The following METTL15 variants were observed in gnomAD, a reference collection of about 807,000 sequenced individuals.
The protein encoded by METTL15 is 12S rRNA N(4)-cytidine methyltransferase METTL15.
A neutral mutation model predicts 38.3 loss-of-function variants in METTL15; 34 were observed. The ratio of observed to expected loss-of-function variants is 0.89; its 90% CI spans 0.68 to 1.18. The LOEUF (loss-of-function observed/expected upper bound fraction) is 1.18. Ranked by LOEUF, METTL15 falls within the 50% of genes most tolerant of loss-of-function variation. The probability of loss-of-function intolerance (pLI) is 0.00; values close to 1 mark genes in which losing one functional copy is unlikely to be tolerated. For synonymous variants in METTL15, 162 were observed against 170.9 expected (o/e 0.95, Z 0.41); for missense variants, 438 against 498.4 (o/e 0.88, Z 1.15).
chr11:28,139,906 G>A (rs1849639891), intron 3 of METTL15, among the ~76,000 whole-genome samples: 3 of 152,222 alleles, frequency 2.0e-5, no homozygotes, highest in South Asian at 2.1e-4. Flanking sequence ...CTCCAACAGG[G>A]AGAGAAACTC....
At chr11:28,433,164 TTTTTTTTG>T (rs745416779) in intron 6 of METTL15, among the ~76,000 whole-genome samples, 9 of 106,560 alleles carry the variant, frequency 8.4e-5, no homozygotes, top group Non-Finnish European at 1.9e-4. Context: ...TTTTGTTTTG[TTTTTTTTG>T]TTTTTTTTTG....
intron 4 of METTL15, chr11:28,261,471 T>A: frequency 6.4e-6 from 1 of 156,114 alleles, no homozygotes. Flanking sequence ...GAATCAACTC[T>A]GGTGATCAAT....
chr11:28,200,701 C>T (rs899855454), intron 3 of METTL15, among the ~76,000 whole-genome samples: 3 of 152,032 alleles, frequency 2.0e-5, no homozygotes, highest in Admixed American at 1.3e-4. Flanking sequence ...CATGATTTGG[C>T]TCTCTGCTTG....
At chr11:28,276,513 C>T (rs1855848655) in intron 4 of METTL15, among the ~76,000 whole-genome samples, 2 of 152,080 alleles carry the variant, frequency 1.3e-5, no homozygotes, top group African/African-American at 4.8e-5. Flanking sequence ...GACCATATTG[C>T]CCAAAGCAAT....
intron 6 of METTL15, among the ~76,000 whole-genome samples, chr11:28,470,457 C>G (rs1307956302): frequency 6.6e-6 from 1 of 152,084 alleles, no homozygotes; most frequent in Non-Finnish European, 1.5e-5. Flanking sequence ...CACATCCTTC[C>G]TTGCCCTTTC....
At chr11:28,174,596 C>T (rs1157587863) in intron 3 of METTL15, among the ~76,000 whole-genome samples, 2 of 151,606 alleles carry the variant, frequency 1.3e-5, no homozygotes, top group African/African-American at 2.4e-5. Context: ...GGGCATATCA[C>T]GAGGTCAGGA....
intron 6 of METTL15, among the ~76,000 whole-genome samples, chr11:28,447,098 G>A (rs1345168172): frequency 6.6e-6 from 1 of 152,042 alleles, no homozygotes; most frequent in African/African-American, 2.4e-5. Context: ...CCTCTTTAAT[G>A]TTAGGATATT....
intron 6 of METTL15, among the ~76,000 whole-genome samples, chr11:28,477,286 C>T (rs550198890): frequency 6.6e-6 from 1 of 152,278 alleles, no homozygotes; most frequent in East Asian, 1.9e-4. Flanking sequence ...ATGCAATTCT[C>T]CTGCCTCAGC....
At chr11:28,348,482 C>G (rs1850015110) in intron 3 of METTL15, among the ~76,000 whole-genome samples, 1 of 152,112 alleles carries the variant, frequency 6.6e-6, no homozygotes, top group Non-Finnish European at 1.5e-5. Context: ...ATCTTCTCAA[C>G]TCAGCCTTCT....
At chr11:28,412,912 T>C (rs1850741136) in intron 5 of METTL15, among the ~76,000 whole-genome samples, 1 of 151,996 alleles carries the variant, frequency 6.6e-6, no homozygotes. Flanking sequence ...ACATATACAA[T>C]AGTAACTATG....
rs368944579 is a variant in METTL15 at position 28,491,458 on chromosome 11, G to A, written c.*425-35020G>A. On this transcript the variant is annotated intron_variant and NMD_transcript_variant, in intron 6 of 7. Coordinates refer to the METTL15 transcript ENST00000532947. ...ACAGAGCTTTTATTGGTCACGTCAG[G>A]TGCATGGTCTAGGCAGAGCCAATAG... is the stretch of plus-strand genomic sequence containing the variant. Among the ~76,000 whole-genome samples the A allele has an allele frequency of 1.8e-4, 27 of 152,180 alleles. 1 individual carries two copies. Among genetic ancestry groups the A allele is most frequent in the African/African-American group, 6.3e-4 (26 of 41,528 alleles).
chr11:28,212,455 A>T (rs1244002732), intron 4 of METTL15, among the ~76,000 whole-genome samples: 2 of 152,174 alleles, frequency 1.3e-5, no homozygotes, highest in Admixed American at 1.3e-4. Context: ...TCACTTGGTT[A>T]TGATGTGAAC....
At chr11:28,403,411 T>C (rs947037973) in intron 5 of METTL15, among the ~76,000 whole-genome samples, 1 of 152,068 alleles carries the variant, frequency 6.6e-6, no homozygotes, top group Non-Finnish European at 1.5e-5. Context: ...TACTAAATAC[T>C]AAATCAGTAT....
intron 3 of METTL15, among the ~76,000 whole-genome samples, chr11:28,191,482 C>T (rs757504627): frequency 4.2e-4 from 64 of 151,400 alleles, no homozygotes; most frequent in Non-Finnish European, 3.3e-4. Context: ...AGGGTTGCAT[C>T]TTCCAAAAGG....
intron 5 of METTL15, among the ~76,000 whole-genome samples, chr11:28,418,831 C>T (rs1013863944): frequency 5.9e-5 from 9 of 152,138 alleles, no homozygotes; most frequent in Admixed American, 1.3e-4. Flanking sequence ...GCCAACATCA[C>T]GCAGAACTCA....
At chr11:28,522,637 A>G (rs1281959962) in intron 6 of METTL15, among the ~76,000 whole-genome samples, 1 of 152,206 alleles carries the variant, frequency 6.6e-6, no homozygotes, top group Non-Finnish European at 1.5e-5. Context: ...TCAAGTTGAC[A>G]CATAAATTTC....
chr11:28,381,299 C>T (rs911906724), intron 5 of METTL15, among the ~76,000 whole-genome samples: 3 of 152,058 alleles, frequency 2.0e-5, no homozygotes, highest in African/African-American at 7.2e-5. Context: ...GTGTTCAGTC[C>T]TTGTCTTTGA....
At chr11:28,511,612 G>A (rs780810594) in intron 6 of METTL15, among the ~76,000 whole-genome samples, 31 of 152,042 alleles carry the variant, frequency 2.0e-4, no homozygotes, top group Middle Eastern at 3.2e-3. Context: ...GCGGACCTTC[G>A]CGGTGAGTGT....
intron 6 of METTL15, among the ~76,000 whole-genome samples, chr11:28,500,208 C>T (rs1048756980): frequency 1.3e-5 from 2 of 152,166 alleles, no homozygotes; most frequent in Non-Finnish European, 2.9e-5. Context: ...TACCTGGAGA[C>T]TGTCCTCTTA....
Sources: allele counts gnomAD v4.1 joint callset (sites outside exome capture counted in the v4.1 genomes callset), GRCh38; gene constraint gnomAD v4.1.1; transcripts MANE v1.5; gene names NCBI Gene and HGNC (gene_info 2026-07-23, HGNC 2026-07-21).